Variants in PDZD2 observed in about 807,000 individuals in gnomAD.
PDZD2 encodes PDZ domain-containing protein 2.
A neutral mutation model predicts 220.7 loss-of-function variants in PDZD2; 90 were observed. That is an observed-to-expected ratio of 0.41 (90% CI 0.34 to 0.49). The LOEUF (loss-of-function observed/expected upper bound fraction) is 0.49. PDZD2 is among the 20% of genes least tolerant of loss of function. The probability of loss-of-function intolerance (pLI) is 0.28; values close to 1 mark genes in which losing one functional copy is unlikely to be tolerated. For missense variants in PDZD2, 3,174 were observed against 3,608.5 expected (o/e 0.88, Z 3.08); for synonymous variants, 1,375 against 1,450.5 (o/e 0.95, Z 1.18).
At chr5:31,846,246 G>A (rs578198003) in intron 2 of PDZD2, among the ~76,000 whole-genome samples, 2 of 152,324 alleles carry the variant, frequency 1.3e-5, no homozygotes, top group African/African-American at 4.8e-5. Context: ...TGATTCTCCT[G>A]CCTCAGCCTC....
At chr5:32,008,736 G>A (rs1019070529) in intron 5 of PDZD2, among the ~76,000 whole-genome samples, 1 of 152,170 alleles carries the variant, frequency 6.6e-6, no homozygotes, top group South Asian at 2.1e-4. Flanking sequence ...GACACGCAGG[G>A]GAGATATACA....
At chr5:31,664,213 G>A (rs1036159187) in intron 1 of PDZD2, among the ~76,000 whole-genome samples, 2 of 151,932 alleles carry the variant, frequency 1.3e-5, no homozygotes, top group African/African-American at 4.8e-5. Flanking sequence ...GTGTTGCCTA[G>A]GCTGGTCTTG....
intron 20 of PDZD2, 94 bp downstream of exon 20, chr5:32,091,269 T>C (rs549062872): frequency 5.0e-6 from 4 of 797,480 alleles, no homozygotes; most frequent in East Asian, 6.0e-5. Flanking sequence ...TAATGCAGAG[T>C]TCCCACTTAC....
At chr5:31,727,569 G>A (rs1749229368) in intron 1 of PDZD2, among the ~76,000 whole-genome samples, 1 of 151,960 alleles carries the variant, frequency 6.6e-6, no homozygotes, top group Non-Finnish European at 1.5e-5. Flanking sequence ...ACATGGTGGT[G>A]GGCACCTGTA....
rs750720876 is a variant in PDZD2 at position 32,077,490 on chromosome 5, A to T, written c.3566A>T (p.Asp1189Val). Reference sequence around the variant, plus strand: ...TCTCTGGGAAAGCTGACCACTGGAGATGCTTGTGTCTCTACCAGCTGTGAA... The same window carrying T: ...TCTCTGGGAAAGCTGACCACTGGAGTTGCTTGTGTCTCTACCAGCTGTGAA... ...KESLGKLTTG[D>V]ACVSTSCELA... The change falls in exon 19 of 25, where the codon GAT (aspartate) becomes GTT (valine). Residue 1189 changes from aspartate to valine, a missense_variant. Coordinates refer to ENST00000438447, the MANE Select transcript of PDZD2 (RefSeq NM_178140.4). 22 of 1,613,996 alleles carry T rather than the reference A, an allele frequency of 1.4e-5. No individual in the cohort carries two copies. In the South Asian group the frequency reaches 2.3e-4, roughly 17 times the overall value.
intron 6 of PDZD2, among the ~76,000 whole-genome samples, chr5:32,021,995 A>G (rs1754232864): frequency 6.6e-6 from 1 of 152,060 alleles, no homozygotes; most frequent in African/African-American, 2.4e-5. Context: ...CAACCAAGGC[A>G]TTGTACGAAT....
At chr5:31,837,841 C>G (rs1237852526) in intron 2 of PDZD2, among the ~76,000 whole-genome samples, 2 of 152,044 alleles carry the variant, frequency 1.3e-5, no homozygotes, top group African/African-American at 4.8e-5. Context: ...GAGCTGAGAT[C>G]GCACCACTGC....
chr5:31,725,649 A>G, intron 1 of PDZD2: 1 of 1,125,324 alleles, frequency 8.9e-7, no homozygotes, highest in Non-Finnish European at 1.4e-6. Context: ...ATTCCTTTTC[A>G]TATCTTGAGC....
intron 1 of PDZD2, among the ~76,000 whole-genome samples, chr5:31,717,986 C>T (rs1194661062): frequency 6.6e-6 from 1 of 152,208 alleles, no homozygotes; most frequent in African/African-American, 2.4e-5. Context: ...CTCGCCTCTC[C>T]TTCTCCTAAT....
chr5:31,657,642 G>A (rs1745601416), intron 1 of PDZD2, among the ~76,000 whole-genome samples: 1 of 152,146 alleles, frequency 6.6e-6, no homozygotes, highest in Admixed American at 6.5e-5. Context: ...TTTATGGGAT[G>A]GTCAGGAGCC....
In PDZD2 at chr5:32,057,998, G is replaced by T. The variant is rs1290198005; in HGVS notation, c.2095G>T (p.Gly699Trp). ...CGCCTCCCCGAACTTCAATACCAGT[G>T]GGGGAGCCTCAGCGGGAGGTTCCGA... ...RSASPNFNTS[G>W]GASAGGSDEG... The change falls in exon 12 of 25, where the codon GGG becomes TGG. Residue 699 changes from glycine (G) to tryptophan (W), a missense_variant. Coordinates refer to ENST00000438447, the MANE Select transcript of PDZD2 (RefSeq NM_178140.4). 1.9e-6 allele frequency: 3 copies of T among 1,612,770 alleles called. No homozygotes were observed. Among genetic ancestry groups the T allele is most frequent in the Non-Finnish European group, 1.7e-6 (2 of 1,178,886 alleles).
chr5:31,888,840 C>T (rs948358548), intron 2 of PDZD2, among the ~76,000 whole-genome samples: 1 of 152,084 alleles, frequency 6.6e-6, no homozygotes. Flanking sequence ...TGATACAGGG[C>T]ATGGGATCTC....
intron 18 of PDZD2, among the ~76,000 whole-genome samples, chr5:32,076,364 ATAATTTATATCTAT>A (rs952382715): frequency 6.6e-6 from 1 of 151,700 alleles, no homozygotes; most frequent in Non-Finnish European, 1.5e-5. Context: ...TTTATTCATA[ATAATTTATATCTAT>A]TAAAATAAGA....
chr5:31,933,917 C>G (rs758082182), intron 2 of PDZD2, among the ~76,000 whole-genome samples: 13 of 152,108 alleles, frequency 8.5e-5, no homozygotes, highest in Non-Finnish European at 1.6e-4. Context: ...AAACTTGGGT[C>G]GGTTAGGTGG....
intron 2 of PDZD2, among the ~76,000 whole-genome samples, chr5:31,850,203 A>T (rs908931146): frequency 2.8e-5 from 3 of 106,352 alleles, no homozygotes; most frequent in African/African-American, 1.0e-4. Flanking sequence ...TGTATATATA[A>T]GTATATATGT....
chr5:31,968,857 C>G (rs1259316099), intron 2 of PDZD2, among the ~76,000 whole-genome samples: 1 of 20,390 alleles, frequency 4.9e-5, no homozygotes, highest in Admixed American at 7.5e-4. Flanking sequence ...AATAAGCTAC[C>G]CAGCCTACAG....
intron 1 of PDZD2, among the ~76,000 whole-genome samples, chr5:31,675,228 CT>C (rs1480076910): frequency 1.5e-4 from 23 of 152,202 alleles, no homozygotes; most frequent in Middle Eastern, 3.2e-3. Flanking sequence ...TTGTGCAGCT[CT>C]TTGCGTCAGT....
chr5:31,953,939 G>C (rs916856880), intron 2 of PDZD2, among the ~76,000 whole-genome samples: 2 of 151,916 alleles, frequency 1.3e-5, no homozygotes, highest in African/African-American at 4.8e-5. Flanking sequence ...GTGAGCCATC[G>C]CACCTGGCTA....
chr5:31,821,086 G>T (rs1385447347), intron 2 of PDZD2, among the ~76,000 whole-genome samples: 2 of 151,664 alleles, frequency 1.3e-5, no homozygotes, highest in Non-Finnish European at 2.9e-5. Context: ...TTTAAATGTT[G>T]TTATTACTAT....
Sources: allele counts gnomAD v4.1 joint callset (sites outside exome capture counted in the v4.1 genomes callset), GRCh38; gene constraint gnomAD v4.1.1; transcripts MANE v1.5; gene names NCBI Gene and HGNC (gene_info 2026-07-23, HGNC 2026-07-21).